Variants in RSRC1 observed in about 807,000 individuals in gnomAD.
The protein encoded by RSRC1 is serine/Arginine-related protein 53.
RSRC1 carries 39 observed loss-of-function variants against 49.1 expected under a neutral mutation model. The ratio of observed to expected loss-of-function variants is 0.79; its 90% CI spans 0.61 to 1.04. The LOEUF (loss-of-function observed/expected upper bound fraction) is 1.04, where lower values mean the gene tolerates loss of function less well. RSRC1 is among the 50% of genes least tolerant of loss of function. RSRC1 has a pLI of 0.00. For synonymous variants in RSRC1, 143 were observed against 130.8 expected (o/e 1.09, Z -0.63); for missense variants, 388 against 402.4 (o/e 0.96, Z 0.31).
At chr3:158,289,156 C>A (rs1726763448) in intron 4 of RSRC1, among the ~76,000 whole-genome samples, 1 of 152,016 alleles carries the variant, frequency 6.6e-6, no homozygotes, top group Non-Finnish European at 1.5e-5. Context: ...TTTATTGGTT[C>A]TTTTACATCA....
At chr3:158,119,284 C>A (rs1715086978) in intron 1 of RSRC1, among the ~76,000 whole-genome samples, 1 of 152,140 alleles carries the variant, frequency 6.6e-6, no homozygotes, top group Admixed American at 6.5e-5. Flanking sequence ...TGTTGGAATT[C>A]TCTACAGTTG....
intron 5 of RSRC1, among the ~76,000 whole-genome samples, chr3:158,343,699 TA>T (rs1730381274): frequency 6.6e-6 from 1 of 151,978 alleles, no homozygotes; most frequent in African/African-American, 2.4e-5. Context: ...TGGATGAGAT[TA>T]GGGGATATGA....
At chr3:158,311,142 A>G (rs977162527) in intron 5 of RSRC1, among the ~76,000 whole-genome samples, 5 of 151,896 alleles carry the variant, frequency 3.3e-5, no homozygotes, top group Admixed American at 2.6e-4. Context: ...CTGAACTACC[A>G]TACCAACTTA....
intron 7 of RSRC1, among the ~76,000 whole-genome samples, chr3:158,463,560 A>G (rs896291955): frequency 1.3e-5 from 2 of 152,084 alleles, no homozygotes; most frequent in African/African-American, 4.8e-5. Flanking sequence ...GCTGATGTGC[A>G]ATACAGAGTT....
chr3:158,516,998 G>C (rs536146112), intron 7 of RSRC1, among the ~76,000 whole-genome samples: 1 of 152,242 alleles, frequency 6.6e-6, no homozygotes, highest in South Asian at 2.1e-4. Flanking sequence ...CCACTGTCTG[G>C]CACTCCCTAG....
intron 7 of RSRC1, among the ~76,000 whole-genome samples, chr3:158,471,259 A>G (rs1738122910): frequency 6.6e-6 from 1 of 152,186 alleles, no homozygotes; most frequent in Non-Finnish European, 1.5e-5. Flanking sequence ...GCAGGCAGAA[A>G]CAGAGTGATT....
intron 6 of RSRC1, among the ~76,000 whole-genome samples, chr3:158,360,703 A>G (rs930303227): frequency 1.3e-5 from 2 of 152,224 alleles, no homozygotes. Flanking sequence ...GCTTGGTCCC[A>G]ACCCTGCTCT....
chr3:158,365,389 A>G (rs1456231557), intron 6 of RSRC1, among the ~76,000 whole-genome samples: 1 of 152,090 alleles, frequency 6.6e-6, no homozygotes, highest in East Asian at 1.9e-4. Flanking sequence ...ATGAGTGAGA[A>G]CATGCGGTGT....
chr3:158,193,411 T>C (rs890710584), intron 3 of RSRC1, among the ~76,000 whole-genome samples: 1 of 152,128 alleles, frequency 6.6e-6, no homozygotes, highest in African/African-American at 2.4e-5. Context: ...TGAGCTTTTA[T>C]TAGAGATTTA....
chr3:158,331,705 G>A (rs889956993), intron 5 of RSRC1, among the ~76,000 whole-genome samples: 2 of 151,684 alleles, frequency 1.3e-5, no homozygotes, highest in Non-Finnish European at 2.9e-5. Context: ...TTTTTTTGAA[G>A]TGTATTCATT....
chr3:158,329,772 G>A (rs981468810), intron 5 of RSRC1, among the ~76,000 whole-genome samples: 4 of 152,222 alleles, frequency 2.6e-5, no homozygotes, highest in Non-Finnish European at 4.4e-5. Context: ...GTCAGACAGG[G>A]ACGTTTAACT....
chr3:158,427,585 A>G (rs962446814), intron 6 of RSRC1, among the ~76,000 whole-genome samples: 2 of 151,972 alleles, frequency 1.3e-5, no homozygotes, highest in East Asian at 1.9e-4. Flanking sequence ...ATCACCAGTT[A>G]GATCAGTAAT....
chr3:158,279,187 G>A (rs1237054205), intron 4 of RSRC1, among the ~76,000 whole-genome samples: 4 of 152,188 alleles, frequency 2.6e-5, no homozygotes, highest in African/African-American at 4.8e-5. Context: ...CTATGTTACT[G>A]TGATTTTTTG....
At chr3:158,196,703 A>C (rs535632892) in intron 3 of RSRC1, among the ~76,000 whole-genome samples, 1 of 152,306 alleles carries the variant, frequency 6.6e-6, no homozygotes, top group South Asian at 2.1e-4. Flanking sequence ...GAGAGTTTCT[A>C]GCATGAAGCG....
At chr3:158,395,459 A>G (rs1289930454) in intron 6 of RSRC1, among the ~76,000 whole-genome samples, 4 of 152,140 alleles carry the variant, frequency 2.6e-5, no homozygotes, top group Non-Finnish European at 5.9e-5. Context: ...TCCAGAATCT[A>G]TAAGGTACTT....
At chr3:158,453,253 G>T (rs1274221368) in intron 6 of RSRC1, among the ~76,000 whole-genome samples, 3 of 151,802 alleles carry the variant, frequency 2.0e-5, no homozygotes, top group Non-Finnish European at 2.9e-5. Context: ...TCAAACTCTT[G>T]TGCACACATT....
chr3:158,264,455 A>T (rs1213799626), intron 4 of RSRC1, among the ~76,000 whole-genome samples: 1 of 152,196 alleles, frequency 6.6e-6, no homozygotes, highest in Non-Finnish European at 1.5e-5. Context: ...TATTTTGATG[A>T]ATGGTTTGAA....
At chr3:158,188,066 G>A (rs1720029531) in intron 3 of RSRC1, among the ~76,000 whole-genome samples, 1 of 151,844 alleles carries the variant, frequency 6.6e-6, no homozygotes, top group Non-Finnish European at 1.5e-5. Flanking sequence ...CTTATTTTTA[G>A]GCTTTGTTAG....
intron 7 of RSRC1, among the ~76,000 whole-genome samples, chr3:158,496,190 C>T (rs1244899564): frequency 2.0e-5 from 3 of 152,146 alleles, no homozygotes; most frequent in African/African-American, 7.2e-5. Context: ...TGAATAGTTA[C>T]TCTTCCTCTG....
Sources: gnomAD v4.1 joint callset for allele counts (sites outside exome capture counted in the v4.1 genomes callset) on GRCh38, gnomAD v4.1.1 for gene constraint, MANE v1.5 for transcripts, NCBI Gene and HGNC (gene_info 2026-07-23, HGNC 2026-07-21) for gene names.